EDIL3: variants seen among roughly 807,000 people sequenced by gnomAD.
The protein encoded by EDIL3 is EGF-like repeat and discoidin I-like domain-containing protein 3.
A neutral mutation model predicts 67.4 loss-of-function variants in EDIL3; 37 were observed. The ratio of observed to expected loss-of-function variants is 0.55; its 90% CI spans 0.42 to 0.72. The LOEUF (loss-of-function observed/expected upper bound fraction) is 0.72. Ranked by LOEUF, EDIL3 falls within the 30% of genes least tolerant of loss-of-function variation. The pLI is 0.00. For missense variants in EDIL3, 527 were observed against 586.3 expected (o/e 0.90, Z 1.04); for synonymous variants, 195 against 196.3 (o/e 0.99, Z 0.05).
chr5:83,950,912 T>G (rs936695189), intron 10 of EDIL3, among the ~76,000 whole-genome samples: 1 of 151,792 alleles, frequency 6.6e-6, no homozygotes, highest in African/African-American at 2.4e-5. Flanking sequence ...CTATCGTGCA[T>G]GGTCATATAT....
At chr5:83,959,202 TATATATATACATTATATACATATA>T (rs1339077456) in intron 10 of EDIL3, among the ~76,000 whole-genome samples, 1 of 148,190 alleles carries the variant, frequency 6.7e-6, no homozygotes, top group Admixed American at 6.8e-5. Context: ...GGTGTGTATA[TATATATATACATTATATACATATA>T]ATATATATAC....
At chr5:83,990,841 C>G (rs1402699752) in intron 9 of EDIL3, among the ~76,000 whole-genome samples, 1 of 151,352 alleles carries the variant, frequency 6.6e-6, no homozygotes, top group Admixed American at 6.6e-5. Context: ...GATTGCACCA[C>G]TGCACTCCAG....
At chr5:84,213,112 C>T (rs1056331857) in intron 3 of EDIL3, among the ~76,000 whole-genome samples, 24 of 151,676 alleles carry the variant, frequency 1.6e-4, no homozygotes, top group Admixed American at 1.6e-3. Flanking sequence ...CGACAACTTG[C>T]TTGAGCATTC....
At chr5:84,327,269 C>T (rs910292607) in intron 1 of EDIL3, among the ~76,000 whole-genome samples, 6 of 151,852 alleles carry the variant, frequency 4.0e-5, no homozygotes, top group Non-Finnish European at 8.8e-5. Context: ...TCTCACCATG[C>T]CTTTTTAATT....
At chr5:84,280,455 T>G (rs1009064472) in intron 1 of EDIL3, among the ~76,000 whole-genome samples, 1 of 152,214 alleles carries the variant, frequency 6.6e-6, no homozygotes, top group African/African-American at 2.4e-5. Flanking sequence ...CTTATGGCTA[T>G]TAAGTATGAT....
At chr5:84,367,084 T>C (rs1259904434) in intron 1 of EDIL3, among the ~76,000 whole-genome samples, 3 of 152,200 alleles carry the variant, frequency 2.0e-5, no homozygotes, top group Non-Finnish European at 1.5e-5. Context: ...GCAAATTATA[T>C]CATAGCATTT....
chr5:84,284,403 T>A (rs1745768937), intron 1 of EDIL3, among the ~76,000 whole-genome samples: 1 of 152,054 alleles, frequency 6.6e-6, no homozygotes, highest in Non-Finnish European at 1.5e-5. Flanking sequence ...ACTATACCCA[T>A]GCACTTGTCC....
At chr5:84,048,318 G>A (rs1464194353) in intron 9 of EDIL3, 1 of 412,680 alleles carries the variant, frequency 2.4e-6, no homozygotes, top group Non-Finnish European at 4.8e-6. Flanking sequence ...ATGCTTTAAT[G>A]AAGTTATAAA....
At chr5:84,101,488 C>A (rs1747364969) in intron 6 of EDIL3, among the ~76,000 whole-genome samples, 1 of 151,948 alleles carries the variant, frequency 6.6e-6, no homozygotes, top group Admixed American at 6.6e-5. Flanking sequence ...CAAATAAACA[C>A]AATTAGAAAT....
At chr5:84,060,098 C>T (rs1746514619) in intron 9 of EDIL3, among the ~76,000 whole-genome samples, 1 of 152,118 alleles carries the variant, frequency 6.6e-6, no homozygotes, top group African/African-American at 2.4e-5. Flanking sequence ...CTTACACTAG[C>T]ATCTATAAAC....
chr5:84,253,656 A>T (rs933690867), intron 2 of EDIL3, among the ~76,000 whole-genome samples: 4 of 152,122 alleles, frequency 2.6e-5, no homozygotes, highest in African/African-American at 9.7e-5. Flanking sequence ...TTATCACCTA[A>T]GAAAAGTAAT....
chr5:84,312,649 G>A (rs1746431803), intron 1 of EDIL3, among the ~76,000 whole-genome samples: 1 of 151,598 alleles, frequency 6.6e-6, no homozygotes, highest in Non-Finnish European at 1.5e-5. Flanking sequence ...CGGCTGGCCG[G>A]GCAGAGGGGC....
chr5:84,231,661 T>G (rs549979357), intron 2 of EDIL3, among the ~76,000 whole-genome samples: 25 of 152,208 alleles, frequency 1.6e-4, no homozygotes, highest in African/African-American at 5.5e-4. Flanking sequence ...CCTTGGCACA[T>G]AAAGAAATGG....
chr5:84,191,724 T>G (rs151273364), intron 3 of EDIL3, among the ~76,000 whole-genome samples: 110 of 152,104 alleles, frequency 7.2e-4, no homozygotes, highest in African/African-American at 2.6e-3. Flanking sequence ...CCAATATTTT[T>G]TTTAAAAAAA....
At chr5:84,204,610 G>A (rs956099126) in intron 3 of EDIL3, among the ~76,000 whole-genome samples, 1 of 151,806 alleles carries the variant, frequency 6.6e-6, no homozygotes, top group African/African-American at 2.4e-5. Context: ...CATACAACCT[G>A]CCCATCCCTT....
At chr5:84,189,561 G>GC (rs1743536744) in intron 3 of EDIL3, among the ~76,000 whole-genome samples, 1 of 151,912 alleles carries the variant, frequency 6.6e-6, no homozygotes, top group Non-Finnish European at 1.5e-5. Flanking sequence ...ATTTTACAAA[G>GC]TGATAACTAT....
At chr5:84,175,128 C>G (rs184190809) in intron 4 of EDIL3, among the ~76,000 whole-genome samples, 118 of 152,240 alleles carry the variant, frequency 7.8e-4, no homozygotes, top group African/African-American at 2.8e-3. Flanking sequence ...TCAATAAACC[C>G]CATGTCTCAT....
chr5:83,996,689 T>C lies in EDIL3; in HGVS notation c.1138-33329A>G, dbSNP rs75432679. Among the ~76,000 whole-genome samples the C allele has an allele frequency of 9.3e-3, 1,423 of 152,270 alleles. 16 individuals carry two copies. Among genetic ancestry groups the C allele is most frequent in the African/African-American group, 0.025 (1,033 of 41,560 alleles). On this transcript the variant is annotated intron_variant, in intron 9 of 10. Transcript: ENST00000296591. ...TAACAATGCAAGGTAATGAGTGCTATGATGTGGGGGAATATTCCACAGGAT... is the reference window on the plus strand; with the variant it reads ...TAACAATGCAAGGTAATGAGTGCTACGATGTGGGGGAATATTCCACAGGAT...
At chr5:84,127,724 T>C (rs1367277195) in intron 5 of EDIL3, among the ~76,000 whole-genome samples, 1 of 148,082 alleles carries the variant, frequency 6.8e-6, no homozygotes, top group Non-Finnish European at 1.5e-5. Context: ...ATTATCCTTT[T>C]ATTTTATTTT....
Sources: gnomAD v4.1 joint callset for allele counts (sites outside exome capture counted in the v4.1 genomes callset) on GRCh38, gnomAD v4.1.1 for gene constraint, MANE v1.5 for transcripts, NCBI Gene and HGNC (gene_info 2026-07-23, HGNC 2026-07-21) for gene names.